RGPD2: variants seen among roughly 807,000 people sequenced by gnomAD.
RGPD2 encodes RANBP2-like and GRIP domain-containing protein 2.
RGPD2 carries 2 observed loss-of-function variants against 36.0 expected under a neutral mutation model. That is an observed-to-expected ratio of 0.06 (90% confidence interval 0.02 to 0.17). The LOEUF (loss-of-function observed/expected upper bound fraction) is 0.17. Ranked by LOEUF, RGPD2 falls within the 10% of genes least tolerant of loss-of-function variation. The pLI is 1.00. For missense variants in RGPD2, 40 were observed against 464.3 expected (o/e 0.09, Z 8.40); for synonymous variants, 19 against 163.8 (o/e 0.12, Z 6.75).
At chr2:87,861,056 TG>T in the RGPD2 span, among the ~76,000 whole-genome samples, 2 of 152,300 alleles carry the variant, frequency 1.3e-5, no homozygotes, top group Non-Finnish European at 2.9e-5. Context: ...TGCATAATTT[TG>T]TTTTTTTCTT....
At chr2:87,842,451 C>G in the RGPD2 span, among the ~76,000 whole-genome samples, 1 of 149,852 alleles carries the variant, frequency 6.7e-6, no homozygotes, top group Non-Finnish European at 1.5e-5. Context: ...GAGTGAACTC[C>G]CATTCACAAT....
chr2:87,873,509 T>TTTTG, the RGPD2 span, among the ~76,000 whole-genome samples: 4 of 140,492 alleles, frequency 2.8e-5, no homozygotes, highest in East Asian at 3.9e-4. Flanking sequence ...CATCTGTTTT[T>TTTTG]TTTGTTTGTT....
At chr2:87,769,351 T>C (rs1250762216) in intron 22 of RGPD2, among the ~76,000 whole-genome samples, 1 of 152,118 alleles carries the variant, frequency 6.6e-6, no homozygotes, top group African/African-American at 2.4e-5. Context: ...ATAAGGTCTC[T>C]TTTATGTACT....
intron 1 of RGPD2, among the ~76,000 whole-genome samples, chr2:87,824,329 CAA>C (rs1389849426): frequency 1.3e-5 from 2 of 151,754 alleles, no homozygotes; most frequent in Non-Finnish European, 2.9e-5. Context: ...AATGGCAAAA[CAA>C]GAGAAGATTA....
chr2:87,846,106 T>G, the RGPD2 span, among the ~76,000 whole-genome samples: 2 of 151,510 alleles, frequency 1.3e-5, no homozygotes, highest in Non-Finnish European at 3.0e-5. Flanking sequence ...ATTAAGTTCT[T>G]TAAACACCAT....
At chr2:87,818,865 TG>T (rs1207235240) in intron 1 of RGPD2, among the ~76,000 whole-genome samples, 1 of 59,088 alleles carries the variant, frequency 1.7e-5, no homozygotes, top group Admixed American at 2.3e-4. Flanking sequence ...GAGGCCGAAG[TG>T]GGCGGATCAC....
Position 87,784,170 on chromosome 2 carries a change from C to CA in RGPD2, c.2853dup (p.Gly952TrpfsTer9). The CA allele has an allele frequency of 2.3e-6, 1 of 439,836 alleles. No individual in the cohort carries two copies. The highest frequency in any genetic ancestry group is 3.4e-5 in the East Asian group (1 of 29,658). 27.2% of individuals were successfully genotyped at this position (439,836 alleles called of 1,614,324 possible). On this transcript the variant is annotated frameshift_variant, in exon 20 of 23. Transcript: ENST00000398146. LOFTEE classifies it high-confidence loss of function. ...CTACTTGTTTGGCCAAAAATCACACCACGGCCATTCTTCTGGCCACTAATA... is the reference window on the plus strand; with the variant it reads ...CTACTTGTTTGGCCAAAAATCACACCAACGGCCATTCTTCTGGCCACTAATA...
the RGPD2 span, among the ~76,000 whole-genome samples, chr2:87,858,021 G>A: frequency 6.6e-5 from 10 of 152,322 alleles, no homozygotes; most frequent in East Asian, 1.9e-4. Flanking sequence ...GAAGCATTAC[G>A]TTAACTGCAA....
At chr2:87,894,512 A>C in the RGPD2 span, among the ~76,000 whole-genome samples, 1 of 151,758 alleles carries the variant, frequency 6.6e-6, no homozygotes, top group African/African-American at 2.4e-5. Context: ...AAGTGGTAGC[A>C]GCATCTTGAA....
the RGPD2 span, among the ~76,000 whole-genome samples, chr2:87,897,127 G>A: frequency 2.0e-5 from 3 of 151,278 alleles, no homozygotes; most frequent in Admixed American, 2.0e-4. Context: ...TTAACCATTT[G>A]TTACCTAAAC....
chr2:87,967,132 G>GT, the RGPD2 span, among the ~76,000 whole-genome samples: 2 of 130,056 alleles, frequency 1.5e-5, no homozygotes, highest in Non-Finnish European at 3.1e-5. Context: ...TTGAGGCCTG[G>GT]TGCGGTGGCT....
the RGPD2 span, among the ~76,000 whole-genome samples, chr2:87,932,882 A>T: frequency 1.4e-5 from 2 of 142,092 alleles, no homozygotes; most frequent in South Asian, 2.4e-4. Flanking sequence ...TGCCTTTAAC[A>T]TTTTTTCTTT....
At chr2:87,989,199 A>C in the RGPD2 span, 1 of 403,778 alleles carries the variant, frequency 2.5e-6, no homozygotes, top group Non-Finnish European at 4.3e-6. Flanking sequence ...AAAGTAAATA[A>C]AATCTGTGCA....
At chr2:87,988,873 T>C in the RGPD2 span, among the ~76,000 whole-genome samples, 265 of 152,040 alleles carry the variant, frequency 1.7e-3, no homozygotes, top group African/African-American at 5.9e-3. Flanking sequence ...CTGCACAATA[T>C]TCCCCAACAG....
At chr2:87,985,949 C>G in the RGPD2 span, 33 of 1,431,836 alleles carry the variant, frequency 2.3e-5, no homozygotes, top group Non-Finnish European at 3.2e-5. Flanking sequence ...AGTATTCTTA[C>G]TCTGCATGCA....
the RGPD2 span, among the ~76,000 whole-genome samples, chr2:87,951,314 C>T: frequency 2.0e-5 from 3 of 150,818 alleles, no homozygotes; most frequent in South Asian, 2.1e-4. Flanking sequence ...CAAGAACATG[C>T]GTACCAACTC....
At chr2:87,905,157 G>A in the RGPD2 span, among the ~76,000 whole-genome samples, 2 of 152,160 alleles carry the variant, frequency 1.3e-5, no homozygotes, top group African/African-American at 4.8e-5. Flanking sequence ...GCAGGAACAT[G>A]AACTTCAGCA....
chr2:87,936,931 G>C, the RGPD2 span, among the ~76,000 whole-genome samples: 1 of 145,612 alleles, frequency 6.9e-6, no homozygotes, highest in East Asian at 2.0e-4. Flanking sequence ...TATGAGAGCA[G>C]CTATAATTTA....
At chr2:87,863,811 A>G in the RGPD2 span, among the ~76,000 whole-genome samples, 1 of 152,174 alleles carries the variant, frequency 6.6e-6, no homozygotes, top group Non-Finnish European at 1.5e-5. Context: ...ACTTTATATT[A>G]GTATTTAAAT....
Sources: allele counts gnomAD v4.1 joint callset (sites outside exome capture counted in the v4.1 genomes callset), GRCh38; gene constraint gnomAD v4.1.1; transcripts MANE v1.5; gene names NCBI Gene and HGNC (gene_info 2026-07-23, HGNC 2026-07-21).